The following ATP2C2 variants were observed in gnomAD, a reference collection of about 807,000 sequenced individuals.
ATP2C2 encodes the protein ATPase secretory pathway Ca2+ transporting 2.
A neutral mutation model predicts 110.8 loss-of-function variants in ATP2C2; 171 were observed. That is an observed-to-expected ratio of 1.54 (90% CI 1.36 to 1.75). The LOEUF (loss-of-function observed/expected upper bound fraction) is 1.75. ATP2C2 is among the 40% of genes most tolerant of loss of function. The pLI is 0.00. For missense variants in ATP2C2, 1,963 were observed against 1,235.0 expected (o/e 1.59, Z -8.84); for synonymous variants, 804 against 508.4 (o/e 1.58, Z -7.82).
At position 84,422,664 on chromosome 16, in the gene ATP2C2, C is replaced by T. The variant is rs372601937; in HGVS notation, c.810C>T (p.Phe270=). The T allele has an allele frequency of 2.5e-5, 41 of 1,613,346 alleles. No individual in the cohort carries two copies. Among genetic ancestry groups the T allele is most frequent in the African/African-American group, 1.3e-4 (10 of 74,930 alleles). ...TTGGAACAGGGGAAAGCTCTCAGTT[C>T]GGAGAAGTGTTTAAGATGATGCAGG... is the stretch of plus-strand genomic sequence containing the variant. ...VVIGTGESSQ[F]GEVFKMMQAE... The change falls in exon 9 of 27, where the codon TTC becomes TTT. Residue 270 remains phenylalanine, a synonymous_variant. Transcript: ENST00000262429.
Position 84,453,326 on chromosome 16 carries a change from C to T in ATP2C2, c.1935C>T (p.Ser645=), listed in dbSNP as rs367700742. Residue 645 remains serine, a synonymous_variant, in exon 20 of 27, where the codon TCC becomes TCT. Transcript: ENST00000262429. ...TTCCCCGTCTCCGTGTCCAGGTGTC[C>T]GTGTTCTTCAGGACCAGCCCAAAGC... The part of the protein sequence containing the change: ...GELADRVGKV[S]VFFRTSPKHK... 1.8e-5 allele frequency: 29 copies of T among 1,614,020 alleles called. No individual in the cohort carries two copies. The African/African-American group carries it at 1.9e-4, about 10-fold the overall frequency.
chr16:84,368,577 G>A lies in ATP2C2; in HGVS notation c.-39G>A. 1.4e-6 allele frequency: 2 copies of A among 1,481,046 alleles called. No homozygotes were observed. The highest frequency in any genetic ancestry group is 1.8e-6 in the Non-Finnish European group (2 of 1,093,320). 91.7% of individuals were successfully genotyped at this position (1,481,046 alleles called of 1,614,324 possible). A position where few individuals can be genotyped will look rare whatever the true frequency, so the allele number is the denominator to read the frequency against. The stretch of plus-strand genomic sequence containing the variant: ...CGCGCAGCCATCCCGGGCCTCGCCG[G>A]GGACCTAGGGACGCAGGCAACGCCT... On this transcript the variant is annotated 5_prime_UTR_variant, in exon 1 of 27. Transcript: ENST00000262429.
At chr16:84,423,324 G>A (rs1907525373) in intron 10 of ATP2C2, 61 bp downstream of exon 10, 2 of 1,489,244 alleles carry the variant, frequency 1.3e-6, no homozygotes, top group Non-Finnish European at 1.9e-6. Context: ...CATCATAGGG[G>A]GGTTGCCATG....
intron 2 of ATP2C2, among the ~76,000 whole-genome samples, 192 bp downstream of exon 2, chr16:84,398,801 G>A (rs1198823859): frequency 6.6e-6 from 1 of 152,182 alleles, no homozygotes; most frequent in African/African-American, 2.4e-5. Context: ...AGTAGAGCTC[G>A]TCTTCACCAG....
intron 24 of ATP2C2, chr16:84,461,297 C>T: frequency 3.4e-6 from 1 of 295,900 alleles, no homozygotes; most frequent in South Asian, 4.5e-5. Flanking sequence ...TGCCCATGTG[C>T]AGGAAGCGGG....
chr16:84,446,165 A>G (rs1308738056), intron 15 of ATP2C2, among the ~76,000 whole-genome samples, 164 bp from the exon 16 acceptor site: 1 of 146,502 alleles, frequency 6.8e-6, no homozygotes, highest in Non-Finnish European at 1.5e-5. Context: ...TTTTTTTTCT[A>G]GGTGGGACAT....
intron 7 of ATP2C2, among the ~76,000 whole-genome samples, chr16:84,419,238 A>AT (rs1555559558): frequency 7.2e-6 from 1 of 138,356 alleles, no homozygotes; most frequent in African/African-American, 2.8e-5. Context: ...AAAAAAAAAA[A>AT]GTGCTACTGG....
rs1429053302 is a variant in ATP2C2, at chr16:84,394,020, A to G, written c.100-4479A>G. ...AAAATACCAAAAAAAATAAAAAAAT[A>G]AAAAATAAAAAGGCCTGGTGTGATG... On this transcript the variant is annotated intron_variant, in intron 1 of 26. Transcript: ENST00000262429. 1.4e-3 allele frequency among the ~76,000 whole-genome samples: 211 copies of G among 150,016 alleles called. 2 individuals carry two copies. Among genetic ancestry groups the G allele is most frequent in the East Asian group, 6.6e-3 (34 of 5,128 alleles).
chr16:84,456,493 G>GCAAT (rs1910800274), intron 21 of ATP2C2, among the ~76,000 whole-genome samples: 1 of 135,642 alleles, frequency 7.4e-6, no homozygotes. Context: ...TCTGGCCAGG[G>GCAAT]CAATCAGGCA....
At chr16:84,375,992 T>C (rs949812257) in intron 1 of ATP2C2, among the ~76,000 whole-genome samples, 3 of 151,924 alleles carry the variant, frequency 2.0e-5, no homozygotes, top group African/African-American at 7.3e-5. Context: ...GTGGGAGTGG[T>C]ACTGTAAACA....
chr16:84,418,653 G>A (rs1018193829), intron 7 of ATP2C2, among the ~76,000 whole-genome samples: 2 of 152,228 alleles, frequency 1.3e-5, no homozygotes, highest in Admixed American at 6.5e-5. Flanking sequence ...TCACACGGCA[G>A]TGGGCGGTGG....
At chr16:84,413,292 G>C (rs1048148175) in intron 6 of ATP2C2, among the ~76,000 whole-genome samples, 4 of 152,114 alleles carry the variant, frequency 2.6e-5, no homozygotes, top group Admixed American at 6.5e-5. Context: ...TGGGGCTAGG[G>C]TAGAAAGCCG....
At chr16:84,463,416 G>T (rs181948713) in intron 26 of ATP2C2, among the ~76,000 whole-genome samples, 198 bp from the exon 27 acceptor site, 1 of 152,130 alleles carries the variant, frequency 6.6e-6, no homozygotes, top group Non-Finnish European at 1.5e-5. Context: ...GTGTTTGCCT[G>T]GAACCACAGG....
chr16:84,389,740 A>C (rs1376505448), intron 1 of ATP2C2, among the ~76,000 whole-genome samples: 2 of 74,900 alleles, frequency 2.7e-5, no homozygotes, highest in African/African-American at 1.1e-4. Flanking sequence ...TTTTTTTTTG[A>C]GATGGAGTTT....
intron 7 of ATP2C2, among the ~76,000 whole-genome samples, chr16:84,416,563 G>A (rs1407991352): frequency 2.0e-5 from 3 of 152,156 alleles, no homozygotes; most frequent in Non-Finnish European, 4.4e-5. Flanking sequence ...TTCCTAGCCT[G>A]TCTGTGAAAT....
chr16:84,396,066 G>T (rs980967209), intron 1 of ATP2C2, among the ~76,000 whole-genome samples: 1 of 152,036 alleles, frequency 6.6e-6, no homozygotes. Context: ...AGTCCTATAG[G>T]ATTTGTCCTT....
At chr16:84,460,533 G>A in intron 23 of ATP2C2, 121 bp from the exon 24 acceptor site, 2 of 1,421,018 alleles carry the variant, frequency 1.4e-6, no homozygotes, top group Non-Finnish European at 9.9e-7. Flanking sequence ...GGGGCGTTCA[G>A]CAAATGCCTG....
intron 21 of ATP2C2, among the ~76,000 whole-genome samples, 175 bp from the exon 22 acceptor site, chr16:84,458,945 G>A (rs76568691): frequency 0.037 from 5,693 of 152,184 alleles, 355 homozygotes; most frequent in African/African-American, 0.13. Flanking sequence ...GCACCTGTTA[G>A]AACACCACCG....
At chr16:84,391,609 C>G (rs1015957118) in intron 1 of ATP2C2, among the ~76,000 whole-genome samples, 1 of 152,158 alleles carries the variant, frequency 6.6e-6, no homozygotes, top group Non-Finnish European at 1.5e-5. Context: ...GTGATACGTA[C>G]ACATGCCAAG....
Sources: gnomAD v4.1 joint callset for allele counts (sites outside exome capture counted in the v4.1 genomes callset) on GRCh38, gnomAD v4.1.1 for gene constraint, MANE v1.5 for transcripts, NCBI Gene and HGNC (gene_info 2026-07-23, HGNC 2026-07-21) for gene names.